Variants in VPS53 observed in about 807,000 individuals in gnomAD.
The protein encoded by VPS53 is vacuolar protein sorting-associated protein 53 homolog.
VPS53 carries 70 observed loss-of-function variants against 107.0 expected under a neutral mutation model. The observed-to-expected ratio is 0.65, with a 90% CI of 0.54 to 0.80. VPS53 has a LOEUF of 0.80. Among genes scored for constraint, VPS53 ranks in the 30% least tolerant of loss-of-function variants. The pLI, the probability that VPS53 is intolerant of heterozygous loss-of-function variation, is 0.00. For synonymous variants in VPS53, 409 were observed against 393.3 expected (o/e 1.04, Z -0.47); for missense variants, 917 against 1,049.4 (o/e 0.87, Z 1.74).
chr17:565,576 C>G (rs998989187), intron 13 of VPS53, among the ~76,000 whole-genome samples: 1 of 152,024 alleles, frequency 6.6e-6, no homozygotes, highest in Non-Finnish European at 1.5e-5. Context: ...TCATGGCCAC[C>G]ACTCTTGTTC....
At chr17:698,575 C>T (rs933462595) in intron 3 of VPS53, among the ~76,000 whole-genome samples, 2 of 151,880 alleles carry the variant, frequency 1.3e-5, no homozygotes, top group African/African-American at 2.4e-5. Flanking sequence ...TGTGGTGGTG[C>T]GCCTGTAGTC....
In VPS53 at chr17:519,884, T is replaced by C; in HGVS notation, c.2270A>G (p.Tyr757Cys). ...GTTGCAGTCTGTGAGAAGTTTGATG[T>C]AGTTGTCAACAAACACCACCAACGG... ...HEPLVVFVDN[Y>C]IKLLTDCNTE... The change falls in exon 21 of 22, where the codon TAC (tyrosine) becomes TGC (cysteine). Residue 757 changes from tyrosine to cysteine, a missense_variant. Physicochemically the swap from Tyr to Cys is radical, Grantham distance 194. Transcript: ENST00000437048. The surrounding 1 kb of genome is among the most constrained non-coding windows in gnomAD (Gnocchi z 5.0). 6.4e-7 allele frequency: 1 copy of C among 1,551,700 alleles called. No homozygotes were observed. Among genetic ancestry groups the C allele is most frequent in the Non-Finnish European group, 8.7e-7 (1 of 1,146,974 alleles).
At chr17:692,902 G>A (rs531017087) in intron 4 of VPS53, among the ~76,000 whole-genome samples, 12 of 152,290 alleles carry the variant, frequency 7.9e-5, no homozygotes, top group African/African-American at 1.9e-4. Context: ...TTGGGAGGCC[G>A]AGGCGGGCGG....
At position 520,007 on chromosome 17, in the gene VPS53, A is replaced by G; in HGVS notation, c.2224-77T>C. ...GAGGAGACAGGAGCGGGCCCTCAAGAAAACTCACTACCCACCGCAGGAGGA... is the reference window on the plus strand; with the variant it reads ...GAGGAGACAGGAGCGGGCCCTCAAGGAAACTCACTACCCACCGCAGGAGGA... On this transcript the variant is annotated intron_variant, in intron 20 of 21. Coordinates refer to ENST00000437048, the MANE Select transcript of VPS53 (RefSeq NM_001128159.3). This position sits in a 1 kb window ranked among gnomAD's most constrained non-coding sequence, Gnocchi z 4.4. 3.0e-6 allele frequency: 3 copies of G among 1,008,168 alleles called. No individual in the cohort carries two copies. The highest frequency in any genetic ancestry group is 4.6e-6 in the Non-Finnish European group (3 of 658,502). 62.5% of individuals were successfully genotyped at this position (1,008,168 alleles called of 1,614,324 possible).
intron 7 of VPS53, among the ~76,000 whole-genome samples, chr17:645,362 T>C (rs1970644109): frequency 6.6e-6 from 1 of 152,240 alleles, no homozygotes. Flanking sequence ...TGTTTGGCTT[T>C]TTGTTGTTGA....
In VPS53 at chr17:517,030, G is replaced by A. The variant is rs143871164; in HGVS notation, c.*2098C>T. 3.3e-3 allele frequency: 534 copies of A among 161,820 alleles called. 6 individuals carry two copies. The highest frequency in any genetic ancestry group is 6.5e-3 in the African/African-American group (273 of 41,950). 10.0% of individuals were successfully genotyped at this position (161,820 alleles called of 1,614,324 possible). Reference sequence around the variant, plus strand: ...CAGCTCTCCTGGGTTGAGGACAGACGGCTGAACTGGCTGTGCTATTTGGAG... The same window carrying A: ...CAGCTCTCCTGGGTTGAGGACAGACAGCTGAACTGGCTGTGCTATTTGGAG... On this transcript the variant is annotated 3_prime_UTR_variant, in exon 22 of 22. Transcript: ENST00000437048.
At chr17:598,875 G>GA (rs1968151895) in intron 12 of VPS53, among the ~76,000 whole-genome samples, 1 of 47,202 alleles carries the variant, frequency 2.1e-5, no homozygotes, top group Non-Finnish European at 4.6e-5. Context: ...GAGGTGGGGG[G>GA]GTCAGCCCCA....
chr17:540,293 C>T (rs1232417664), intron 17 of VPS53: 1 of 152,088 alleles, frequency 6.6e-6, no homozygotes, highest in African/African-American at 2.4e-5. Flanking sequence ...CAGCAATCCT[C>T]CCAGCTCTGC....
chr17:535,535 C>T (rs998575953), intron 18 of VPS53, among the ~76,000 whole-genome samples: 9 of 151,824 alleles, frequency 5.9e-5, no homozygotes, highest in Admixed American at 1.3e-4. Context: ...AGCTGGGAGA[C>T]GCTGGGACTG....
chr17:712,177 C>CTTTTTTTTTTTTT lies in VPS53; in HGVS notation c.88-1577_88-1565dup, dbSNP rs35522489. Among the ~76,000 whole-genome samples, 2 of 98,466 alleles carry CTTTTTTTTTTTTT rather than the reference C, an allele frequency of 2.0e-5. 1 individual carries two copies. The allele number at this position is 98,466 out of a possible 152,430, so 64.6% of individuals were successfully genotyped here. A position where few individuals can be genotyped will look rare whatever the true frequency, so the allele number is the denominator to read the frequency against. ...TTTTCATGTCTAGAGTGACTTTCGCCTTTTTTTTTTTTTTTTTTTTCGAGA... is the reference window on the plus strand; with the variant it reads ...TTTTCATGTCTAGAGTGACTTTCGCCTTTTTTTTTTTTTTTTTTTTTTTTTTTTTTTTTCGAGA... On this transcript the variant is annotated intron_variant, in intron 1 of 21. Transcript: ENST00000437048.
In VPS53 at chr17:529,992, T is replaced by A. The variant is rs566040106; in HGVS notation, c.2085+2850A>T. Among the ~76,000 whole-genome samples the A allele has an allele frequency of 2.0e-5, 3 of 151,922 alleles. No individual in the cohort carries two copies. In the South Asian group the frequency reaches 6.2e-4, roughly 32 times the overall value. ...TTGAGACTGCAGTGAGCTATGATTG[T>A]GCCACTGTACTCACTCCAGCCTGGG... On this transcript the variant is annotated intron_variant, in intron 19 of 21. Coordinates refer to ENST00000437048, the MANE Select transcript of VPS53 (RefSeq NM_001128159.3).
chr17:618,324 C>T (rs1969256361), intron 11 of VPS53, among the ~76,000 whole-genome samples: 1 of 101,284 alleles, frequency 9.9e-6, no homozygotes, highest in South Asian at 4.2e-4. Flanking sequence ...CTAATATTTC[C>T]TGGGTAGCTG....
chr17:694,430 T>C (rs867236498), intron 4 of VPS53, among the ~76,000 whole-genome samples: 17 of 152,112 alleles, frequency 1.1e-4, no homozygotes, highest in African/African-American at 4.1e-4. Context: ...AAGATACACA[T>C]CTATTATGCA....
intron 4 of VPS53, among the ~76,000 whole-genome samples, chr17:690,186 C>T (rs1202548633): frequency 6.6e-6 from 1 of 152,098 alleles, no homozygotes; most frequent in African/African-American, 2.4e-5. Context: ...ATCAAGGCTC[C>T]CAAAGATCTT....
chr17:628,019 A>T, intron 9 of VPS53, 69 bp downstream of exon 9: 1 of 1,471,600 alleles, frequency 6.8e-7, no homozygotes, highest in Non-Finnish European at 9.2e-7. Flanking sequence ...CTAAATTAGT[A>T]GGCTTGACAG....
At chr17:661,097 A>T (rs1440352579) in intron 5 of VPS53, among the ~76,000 whole-genome samples, 1 of 152,130 alleles carries the variant, frequency 6.6e-6, no homozygotes, top group Non-Finnish European at 1.5e-5. Flanking sequence ...TCCCGGCTCC[A>T]GGACCATTCT....
chr17:650,436 G>T (rs192255082), intron 7 of VPS53, among the ~76,000 whole-genome samples: 1 of 152,120 alleles, frequency 6.6e-6, no homozygotes, highest in Non-Finnish European at 1.5e-5. Flanking sequence ...GTTCCAGGTT[G>T]CAGTGAGCTA....
At chr17:674,449 CCTT>C (rs1972077687) in intron 4 of VPS53, 1 of 152,212 alleles carries the variant, frequency 6.6e-6, no homozygotes, top group East Asian at 1.9e-4. Flanking sequence ...TTTTGAGACA[CCTT>C]CTGTGCCAAA....
chr17:688,961 A>C (rs1972685637), intron 4 of VPS53, among the ~76,000 whole-genome samples: 1 of 152,226 alleles, frequency 6.6e-6, no homozygotes. Flanking sequence ...AAAGAAACAA[A>C]AAATGTCCAG....
Sources: allele counts gnomAD v4.1 joint callset (sites outside exome capture counted in the v4.1 genomes callset), GRCh38; gene constraint gnomAD v4.1.1; non-coding constraint Gnocchi (gnomAD v3.1); transcripts MANE v1.5; gene names NCBI Gene and HGNC (gene_info 2026-07-23, HGNC 2026-07-21).